HS6ST3: variants seen among roughly 807,000 people sequenced by gnomAD.
The protein encoded by HS6ST3 is heparan sulfate 6-O-sulfotransferase 3, also known as heparan-sulfate 6-O-sulfotransferase 3.
Under a neutral mutation model 36.7 loss-of-function variants are expected in HS6ST3, and 12 were observed. The ratio of observed to expected loss-of-function variants is 0.33; its 90% confidence interval spans 0.21 to 0.53. The LOEUF is 0.53. HS6ST3 is among the 20% of genes least tolerant of loss of function. The probability of loss-of-function intolerance (pLI) is 0.95; values close to 1 mark genes in which losing one functional copy is unlikely to be tolerated. For missense variants in HS6ST3, 584 were observed against 640.9 expected (o/e 0.91, Z 0.96); for synonymous variants, 240 against 257.5 (o/e 0.93, Z 0.65).
chr13:96,609,929 T>A (rs962700636), intron 1 of HS6ST3, among the ~76,000 whole-genome samples: 8 of 152,214 alleles, frequency 5.3e-5, no homozygotes, highest in Non-Finnish European at 1.0e-4. Context: ...ACTAACTTCC[T>A]TTCTCTTTTA....
intron 1 of HS6ST3, among the ~76,000 whole-genome samples, chr13:96,801,499 GT>G (rs1468945317): frequency 2.6e-5 from 4 of 151,838 alleles, no homozygotes; most frequent in Non-Finnish European, 5.9e-5. Flanking sequence ...AGCTGTCAGG[GT>G]TGCCTTTATA....
intron 1 of HS6ST3, among the ~76,000 whole-genome samples, chr13:96,196,764 A>G (rs4771926): frequency 0.047 from 7,179 of 152,302 alleles, 290 homozygotes; most frequent in Admixed American, 0.12. Context: ...CTCACCAGTG[A>G]CATAGTTGGT....
chr13:96,160,137 C>T (rs2054129137), intron 1 of HS6ST3, among the ~76,000 whole-genome samples: 1 of 152,138 alleles, frequency 6.6e-6, no homozygotes, highest in African/African-American at 2.4e-5. Context: ...ATCCATATAG[C>T]TATGTGAGGT....
intron 1 of HS6ST3, among the ~76,000 whole-genome samples, chr13:96,651,616 A>G (rs1396896777): frequency 6.6e-6 from 1 of 152,058 alleles, no homozygotes. Context: ...AAAATTAGAT[A>G]AAAAACTTCT....
intron 1 of HS6ST3, among the ~76,000 whole-genome samples, chr13:96,414,639 T>C (rs957346638): frequency 6.6e-6 from 1 of 152,090 alleles, no homozygotes; most frequent in African/African-American, 2.4e-5. Flanking sequence ...CCTGCCACCA[T>C]GCCTGGCTAA....
intron 1 of HS6ST3, among the ~76,000 whole-genome samples, chr13:96,813,007 C>T (rs1263602919): frequency 1.3e-5 from 2 of 152,262 alleles, no homozygotes; most frequent in East Asian, 3.9e-4. Flanking sequence ...GCTATGCTCT[C>T]GTCTGATCAC....
chr13:96,409,160 G>T (rs1291618949), intron 1 of HS6ST3, among the ~76,000 whole-genome samples: 2 of 152,162 alleles, frequency 1.3e-5, no homozygotes, highest in African/African-American at 4.8e-5. Flanking sequence ...ATGGAAGGGA[G>T]ATTATCTCAG....
chr13:96,390,039 T>C (rs1219572074), intron 1 of HS6ST3, among the ~76,000 whole-genome samples: 2 of 152,200 alleles, frequency 1.3e-5, no homozygotes, highest in Admixed American at 6.5e-5. Context: ...ATATATGACA[T>C]AAATGACAGT....
At chr13:96,255,598 C>T (rs187648456) in intron 1 of HS6ST3, among the ~76,000 whole-genome samples, 89 of 152,174 alleles carry the variant, frequency 5.8e-4, no homozygotes, top group Admixed American at 1.2e-3. Context: ...TTGGGGCAGG[C>T]CTTCTGGTTG....
At chr13:96,605,900 A>T (rs1204146440) in intron 1 of HS6ST3, among the ~76,000 whole-genome samples, 11 of 151,512 alleles carry the variant, frequency 7.3e-5, no homozygotes, top group African/African-American at 2.4e-4. Flanking sequence ...AAAAAAAATT[A>T]AAAAATGGGC....
At chr13:96,203,788 A>G (rs544584872) in intron 1 of HS6ST3, among the ~76,000 whole-genome samples, 1 of 152,356 alleles carries the variant, frequency 6.6e-6, no homozygotes, top group South Asian at 2.1e-4. Context: ...TCAAATTTAA[A>G]GTATCAGGAA....
intron 1 of HS6ST3, among the ~76,000 whole-genome samples, chr13:96,242,483 T>C (rs2054565543): frequency 6.6e-6 from 1 of 152,138 alleles, no homozygotes; most frequent in African/African-American, 2.4e-5. Context: ...CCTCCTAAAG[T>C]GCTGGGATTA....
chr13:96,648,122 A>G (rs950960114), intron 1 of HS6ST3, among the ~76,000 whole-genome samples: 2 of 152,096 alleles, frequency 1.3e-5, no homozygotes, highest in African/African-American at 2.4e-5. Context: ...AAAATTGGCC[A>G]TGATGGAGCT....
At chr13:96,635,974 C>T (rs916964653) in intron 1 of HS6ST3, among the ~76,000 whole-genome samples, 5 of 152,118 alleles carry the variant, frequency 3.3e-5, no homozygotes, top group Non-Finnish European at 7.4e-5. Flanking sequence ...ATAATGTAAA[C>T]CTTCAGCTCT....
intron 1 of HS6ST3, among the ~76,000 whole-genome samples, chr13:96,806,849 CTTTT>C (rs535619084): frequency 2.3e-3 from 349 of 152,258 alleles, no homozygotes; most frequent in African/African-American, 7.9e-3. Context: ...AATGTCCAAG[CTTTT>C]TATAAGCTGA....
At chr13:96,300,423 A>G (rs1455791513) in intron 1 of HS6ST3, among the ~76,000 whole-genome samples, 1 of 152,042 alleles carries the variant, frequency 6.6e-6, no homozygotes, top group African/African-American at 2.4e-5. Context: ...GCAAGGGGGA[A>G]ATTCATGGCT....
intron 1 of HS6ST3, among the ~76,000 whole-genome samples, chr13:96,424,116 A>T (rs1268311226): frequency 6.6e-6 from 1 of 152,224 alleles, no homozygotes; most frequent in Non-Finnish European, 1.5e-5. Flanking sequence ...AAATCCAATT[A>T]CAATGACCAT....
At chr13:96,474,375 T>C (rs1424564638) in intron 1 of HS6ST3, among the ~76,000 whole-genome samples, 2 of 152,152 alleles carry the variant, frequency 1.3e-5, no homozygotes, top group African/African-American at 2.4e-5. Context: ...GGCGTGACTG[T>C]GTTCAAACGG....
intron 1 of HS6ST3, among the ~76,000 whole-genome samples, chr13:96,680,696 A>T (rs2056715528): frequency 6.6e-6 from 1 of 152,186 alleles, no homozygotes; most frequent in Non-Finnish European, 1.5e-5. Flanking sequence ...GACTGGCGTG[A>T]GGGGCTGACC....
Sources: allele counts gnomAD v4.1 joint callset (sites outside exome capture counted in the v4.1 genomes callset), GRCh38; gene constraint gnomAD v4.1.1; transcripts MANE v1.5; gene names NCBI Gene and HGNC (gene_info 2026-07-23, HGNC 2026-07-21).